Variants in GNAO1 observed in about 807,000 individuals in gnomAD.
GNAO1 encodes the protein guanine nucleotide-binding protein G(o) subunit alpha.
For missense variants in GNAO1, 166 were observed against 478.7 expected (o/e 0.35, Z 6.10); for synonymous variants, 164 against 180.7 (o/e 0.91, Z 0.74).
At chr16:56,197,757 A>G (rs777576471) in intron 2 of GNAO1, among the ~76,000 whole-genome samples, 5 of 152,184 alleles carry the variant, frequency 3.3e-5, no homozygotes, top group Admixed American at 6.5e-5. Flanking sequence ...CTCGCAGATT[A>G]TTTTGTGCTT....
intron 2 of GNAO1, among the ~76,000 whole-genome samples, chr16:56,236,857 C>T (rs971249201): frequency 6.6e-6 from 1 of 152,114 alleles, no homozygotes; most frequent in Non-Finnish European, 1.5e-5. Context: ...CTGAAAATGG[C>T]AGTTAGAAGT....
intron 3 of GNAO1, among the ~76,000 whole-genome samples, chr16:56,290,816 A>T (rs1325998896): frequency 6.6e-6 from 1 of 152,204 alleles, no homozygotes; most frequent in Admixed American, 6.5e-5. Context: ...CTCTGCCTGC[A>T]GCCCCTGGCA....
intron 2 of GNAO1, among the ~76,000 whole-genome samples, chr16:56,222,015 A>G (rs2036494163): frequency 6.6e-6 from 1 of 152,200 alleles, no homozygotes. Context: ...AAACTTAGGA[A>G]AAGAGCTGGA....
chr16:56,344,029 C>T (rs925814714), intron 6 of GNAO1: 2 of 1,573,738 alleles, frequency 1.3e-6, no homozygotes, highest in Non-Finnish European at 1.7e-6. Context: ...CCACCACTCT[C>T]AGACCACTCT....
rs2143700065 is a variant in GNAO1, at chr16:56,351,715, GAC to G, written c.877+182_877+183del. Among the ~76,000 whole-genome samples the G allele has an allele frequency of 6.6e-6, 1 of 152,326 alleles. No individual in the cohort carries two copies. The highest frequency in any genetic ancestry group is 1.9e-4 in the East Asian group (1 of 5,170). On this transcript the variant is annotated intron_variant, in intron 7 of 8. Coordinates refer to ENST00000262493, the MANE Select transcript of GNAO1 (RefSeq NM_020988.3). This position sits in a 1 kb window ranked among gnomAD's most constrained non-coding sequence, Gnocchi z 6.1. ...GTGCCACCAGGTTTGGGCTTCCCAG[GAC>G]ACAGCCCTCAGCGTGGTGGAAATGG...
chr16:56,314,019 C>CT (rs1357402212), intron 3 of GNAO1, among the ~76,000 whole-genome samples: 1 of 152,202 alleles, frequency 6.6e-6, no homozygotes, highest in Admixed American at 6.5e-5. Context: ...GAATGGATCT[C>CT]TTACTATGAA....
intron 3 of GNAO1, 62 bp downstream of exon 3, chr16:56,276,134 C>T (rs2037059713): frequency 6.9e-6 from 10 of 1,447,344 alleles, no homozygotes; most frequent in South Asian, 1.3e-5. Context: ...CCCACTGCCT[C>T]CTCTTTATAG....
At chr16:56,304,495 A>G (rs141980103) in intron 3 of GNAO1, among the ~76,000 whole-genome samples, 171 of 152,348 alleles carry the variant, frequency 1.1e-3, no homozygotes, top group African/African-American at 3.9e-3. Flanking sequence ...GCTGGCTTTC[A>G]TGTCCATTGT....
At chr16:56,263,750 G>A (rs1175553804) in intron 2 of GNAO1, among the ~76,000 whole-genome samples, 1 of 152,214 alleles carries the variant, frequency 6.6e-6, no homozygotes, top group Non-Finnish European at 1.5e-5. Context: ...AGATATGACC[G>A]TGACCCTTGG....
intron 2 of GNAO1, among the ~76,000 whole-genome samples, chr16:56,264,268 C>A (rs1310315729): frequency 6.6e-6 from 1 of 152,226 alleles, no homozygotes; most frequent in Non-Finnish European, 1.5e-5. Context: ...GGGCCCCAGA[C>A]CAGCAATGCT....
chr16:56,343,724 G>A, intron 6 of GNAO1: 1 of 1,550,574 alleles, frequency 6.4e-7, no homozygotes, highest in Non-Finnish European at 8.8e-7. Context: ...AGTCCCATGG[G>A]CCTCTCGCCT....
intron 2 of GNAO1, among the ~76,000 whole-genome samples, chr16:56,243,565 G>T (rs1156355364): frequency 1.3e-5 from 2 of 152,180 alleles, no homozygotes. Flanking sequence ...CACATGAAAA[G>T]ATGCTTGACG....
chr16:56,343,879 A>G (rs2037834415), intron 6 of GNAO1: 10 of 1,614,132 alleles, frequency 6.2e-6, no homozygotes, highest in Non-Finnish European at 8.5e-6. Context: ...CACCAACAAC[A>G]TCCAGTTTGT....
At chr16:56,257,304 G>T (rs1297560765) in intron 2 of GNAO1, among the ~76,000 whole-genome samples, 2 of 152,220 alleles carry the variant, frequency 1.3e-5, no homozygotes, top group East Asian at 3.9e-4. Context: ...TTAGATATTG[G>T]ATTCCTTCCC....
intron 4 of GNAO1, 66 bp from the exon 5 acceptor site, chr16:56,334,663 G>A: frequency 6.4e-7 from 1 of 1,559,718 alleles, no homozygotes; most frequent in Non-Finnish European, 8.8e-7. Flanking sequence ...AAGATGGGTG[G>A]CCTGGCCAGT....
chr16:56,302,498 T>C (rs2037354950), intron 3 of GNAO1: 2 of 152,280 alleles, frequency 1.3e-5, no homozygotes. Context: ...CTTGGAGTGC[T>C]CCCTGGAGCC....
At chr16:56,237,922 G>A (rs1041495390) in intron 2 of GNAO1, among the ~76,000 whole-genome samples, 1 of 152,204 alleles carries the variant, frequency 6.6e-6, no homozygotes, top group South Asian at 2.1e-4. Context: ...CACTTGTATA[G>A]TCTCATCTGT....
intron 2 of GNAO1, chr16:56,193,999 G>C (rs2036206685): frequency 2.5e-6 from 1 of 407,316 alleles, no homozygotes. Context: ...GAAGGTGGGA[G>C]TGGGAGACGA....
At chr16:56,320,406 A>G (rs1596862878) in intron 3 of GNAO1, among the ~76,000 whole-genome samples, 1 of 152,192 alleles carries the variant, frequency 6.6e-6, no homozygotes, top group Non-Finnish European at 1.5e-5. Context: ...TGCAGAGAAA[A>G]TGATGGTGCT....
Sources: gnomAD v4.1 joint callset for allele counts (sites outside exome capture counted in the v4.1 genomes callset) on GRCh38, gnomAD v4.1.1 for gene constraint, Gnocchi (gnomAD v3.1) non-coding constraint, MANE v1.5 for transcripts, NCBI Gene and HGNC (gene_info 2026-07-23, HGNC 2026-07-21) for gene names.